The following ZNF521 variants were observed in gnomAD, a reference collection of about 807,000 sequenced individuals.
ZNF521 encodes LYST-interacting protein 3.
Under a neutral mutation model 105.5 loss-of-function variants are expected in ZNF521, and 14 were observed. That is an observed-to-expected ratio of 0.13 (90% CI 0.09 to 0.21). The LOEUF (loss-of-function observed/expected upper bound fraction) is 0.21, where lower values mean the gene tolerates loss of function less well. ZNF521 is among the 10% of genes least tolerant of loss of function. ZNF521 has a pLI of 1.00. For missense variants in ZNF521, 1,233 were observed against 1,629.7 expected, an observed-to-expected ratio of 0.76 and a Z score of 4.19; for synonymous variants, 635 against 606.0, an observed-to-expected ratio of 1.05 and a Z score of -0.70.
At chr18:25,307,623 T>C (rs1600285765) in intron 3 of ZNF521, among the ~76,000 whole-genome samples, 1 of 152,200 alleles carries the variant, frequency 6.6e-6, no homozygotes, top group African/African-American at 2.4e-5. Flanking sequence ...CCTCCTGGTA[T>C]TCACGCCTTT....
chr18:25,206,521 T>G (rs2036083396), intron 4 of ZNF521, among the ~76,000 whole-genome samples: 1 of 152,164 alleles, frequency 6.6e-6, no homozygotes. Flanking sequence ...TACCTCGTGT[T>G]CTGGTAGTTT....
At chr18:25,119,926 T>G (rs2034401077) in intron 5 of ZNF521, among the ~76,000 whole-genome samples, 1 of 152,142 alleles carries the variant, frequency 6.6e-6, no homozygotes, top group Non-Finnish European at 1.5e-5. Flanking sequence ...CAAACTTAGC[T>G]AAACTGATTG....
intron 3 of ZNF521, among the ~76,000 whole-genome samples, chr18:25,316,397 C>A (rs1912620310): frequency 8.0e-6 from 1 of 125,370 alleles, no homozygotes; most frequent in Non-Finnish European, 1.6e-5. Context: ...ATAAAAATAC[C>A]TTCCTTTGCT....
chr18:25,132,032 C>T (rs1336521252), intron 5 of ZNF521, among the ~76,000 whole-genome samples: 2 of 152,090 alleles, frequency 1.3e-5, no homozygotes, highest in African/African-American at 4.8e-5. Flanking sequence ...ATTTGCCTCT[C>T]CCTACCCAAG....
chr18:25,187,553 C>A (rs900793383), intron 5 of ZNF521, among the ~76,000 whole-genome samples: 4 of 151,964 alleles, frequency 2.6e-5, no homozygotes, highest in African/African-American at 9.7e-5. Flanking sequence ...CATAGAAATA[C>A]ACAAACATTT....
chr18:25,284,441 G>A (rs1600256304), intron 3 of ZNF521, among the ~76,000 whole-genome samples: 1 of 152,226 alleles, frequency 6.6e-6, no homozygotes, highest in Non-Finnish European at 1.5e-5. Context: ...AAATGTAGCA[G>A]CAGCAAAATA....
intron 5 of ZNF521, among the ~76,000 whole-genome samples, chr18:25,160,458 G>A (rs547861198): frequency 2.0e-5 from 3 of 152,182 alleles, no homozygotes; most frequent in Non-Finnish European, 4.4e-5. Flanking sequence ...GGTTGCAAGA[G>A]CTAAGACTCA....
intron 5 of ZNF521, among the ~76,000 whole-genome samples, chr18:25,194,671 G>A (rs913988783): frequency 2.0e-5 from 3 of 151,594 alleles, no homozygotes; most frequent in African/African-American, 7.3e-5. Flanking sequence ...TTATTTCCAG[G>A]CTGTTGAAAC....
At chr18:25,205,716 A>G (rs988965698) in intron 4 of ZNF521, among the ~76,000 whole-genome samples, 3 of 152,176 alleles carry the variant, frequency 2.0e-5, no homozygotes, top group African/African-American at 7.2e-5. Context: ...TATTAGGGAG[A>G]ATAAAGTATT....
At chr18:25,153,164 C>T (rs911538810) in intron 5 of ZNF521, among the ~76,000 whole-genome samples, 2 of 152,072 alleles carry the variant, frequency 1.3e-5, no homozygotes, top group African/African-American at 4.8e-5. Context: ...GTAATGCTGT[C>T]AGTATGGAGA....
At chr18:25,309,333 A>G (rs542085858) in intron 3 of ZNF521, among the ~76,000 whole-genome samples, 10 of 152,326 alleles carry the variant, frequency 6.6e-5, no homozygotes, top group South Asian at 6.2e-4. Flanking sequence ...CTTTCTCCCA[A>G]CAGAGAGACA....
intron 5 of ZNF521, among the ~76,000 whole-genome samples, chr18:25,113,292 A>G (rs1433738400): frequency 6.6e-6 from 1 of 152,084 alleles, no homozygotes; most frequent in African/African-American, 2.4e-5. Context: ...GTATCTAGTT[A>G]CAGCCCCACC....
At chr18:25,188,996 C>G (rs1440059863) in intron 5 of ZNF521, among the ~76,000 whole-genome samples, 1 of 152,170 alleles carries the variant, frequency 6.6e-6, no homozygotes, top group Non-Finnish European at 1.5e-5. Context: ...ATTTTTTATT[C>G]TTGTAAATCA....
intron 2 of ZNF521, among the ~76,000 whole-genome samples, chr18:25,328,947 GTAAC>G (rs1227202515): frequency 5.9e-5 from 9 of 152,314 alleles, no homozygotes; most frequent in East Asian, 1.9e-4. Flanking sequence ...AGAGTAGTTT[GTAAC>G]TAACTATGTT....
intron 3 of ZNF521, among the ~76,000 whole-genome samples, chr18:25,267,684 G>A (rs1011201541): frequency 4.1e-4 from 62 of 152,134 alleles, no homozygotes; most frequent in African/African-American, 1.4e-3. Flanking sequence ...TGCAGCAGAG[G>A]GGCCTGACTG....
At chr18:25,347,325 G>C (rs532320174) in intron 2 of ZNF521, among the ~76,000 whole-genome samples, 18 of 152,174 alleles carry the variant, frequency 1.2e-4, no homozygotes, top group Non-Finnish European at 1.9e-4. Context: ...TTAAATAGAA[G>C]GGGTTATCCA....
chr18:25,064,633 A>T (rs370049501), intron 7 of ZNF521, among the ~76,000 whole-genome samples: 30 of 152,246 alleles, frequency 2.0e-4, no homozygotes, highest in African/African-American at 6.7e-4. Context: ...CATCTTAGAG[A>T]TGTTTGTTAT....
chr18:25,095,090 G>A (rs781484947), intron 5 of ZNF521, among the ~76,000 whole-genome samples: 2 of 151,100 alleles, frequency 1.3e-5, no homozygotes, highest in Non-Finnish European at 2.9e-5. Context: ...AGAATTGGGT[G>A]GGGGGGATCT....
intron 4 of ZNF521, among the ~76,000 whole-genome samples, chr18:25,208,756 GAGTTT>G (rs1187722180): frequency 1.3e-5 from 2 of 152,148 alleles, no homozygotes; most frequent in African/African-American, 2.4e-5. Flanking sequence ...AGATTAATTT[GAGTTT>G]AGTTCATTCA....
Sources: gnomAD v4.1 joint callset for allele counts (sites outside exome capture counted in the v4.1 genomes callset) on GRCh38, gnomAD v4.1.1 for gene constraint, MANE v1.5 for transcripts, NCBI Gene and HGNC (gene_info 2026-07-23, HGNC 2026-07-21) for gene names.